The following RPSA2 variants were observed in gnomAD, a reference collection of about 807,000 sequenced individuals.
RPSA2 encodes the protein ribosomal protein SA 2, also known as small ribosomal subunit protein uS2B.
chr19:23,780,654 C>CAAAACAAAACAA, the RPSA2 span, among the ~76,000 whole-genome samples: 1 of 151,818 alleles, frequency 6.6e-6, no homozygotes, highest in Non-Finnish European at 1.5e-5. Flanking sequence ...CAAAACAAAA[C>CAAAACAAAACAA]AAAACAAAAA....
the RPSA2 span, among the ~76,000 whole-genome samples, chr19:23,784,725 G>C: frequency 3.9e-5 from 6 of 152,264 alleles, no homozygotes; most frequent in African/African-American, 1.4e-4. Context: ...ATATCCCACT[G>C]TTGAGGTTCT....
At chr19:23,817,157 G>C in the RPSA2 span, among the ~76,000 whole-genome samples, 150 of 152,268 alleles carry the variant, frequency 9.9e-4, 1 homozygote, top group Non-Finnish European at 2.1e-4. Flanking sequence ...CGAGGTGGGC[G>C]GATAACCTGA....
the RPSA2 span, among the ~76,000 whole-genome samples, chr19:23,822,248 G>T: frequency 6.6e-6 from 1 of 152,176 alleles, no homozygotes; most frequent in African/African-American, 2.4e-5. Context: ...GCTGAAGCTG[G>T]GTTGCGTCAT....
chr19:23,804,300 C>T, the RPSA2 span, among the ~76,000 whole-genome samples: 145,054 of 148,382 alleles, frequency 0.98, 71,003 homozygotes, highest in Middle Eastern at 1. Flanking sequence ...TTTTCTTTTT[C>T]TTTTTTTTCT....
the RPSA2 span, among the ~76,000 whole-genome samples, chr19:23,761,917 T>C: frequency 0.19 from 5,818 of 30,854 alleles, 432 homozygotes; most frequent in Non-Finnish European, 0.25. Context: ...TCTTTCTTTC[T>C]TTCTTTTTTT....
At chr19:23,849,538 C>A in the RPSA2 span, among the ~76,000 whole-genome samples, 1 of 152,130 alleles carries the variant, frequency 6.6e-6, no homozygotes, top group African/African-American at 2.4e-5. Flanking sequence ...AGCCAATTTC[C>A]AAAGTTCTGG....
At chr19:23,844,579 T>A in the RPSA2 span, among the ~76,000 whole-genome samples, 1 of 152,150 alleles carries the variant, frequency 6.6e-6, no homozygotes. Flanking sequence ...ATTCCAAATA[T>A]AAGTTTCATG....
chr19:23,780,902 G>GATA, the RPSA2 span, among the ~76,000 whole-genome samples: 2 of 152,178 alleles, frequency 1.3e-5, no homozygotes, highest in African/African-American at 4.8e-5. Flanking sequence ...CTACTTTTGA[G>GATA]GTTCTGAACC....
At chr19:23,812,373 T>A in the RPSA2 span, among the ~76,000 whole-genome samples, 2 of 138,010 alleles carry the variant, frequency 1.4e-5, no homozygotes, top group African/African-American at 5.4e-5. Flanking sequence ...CTTTCTTAGC[T>A]CATTCTCTTT....
At chr19:23,838,825 T>G in the RPSA2 span, among the ~76,000 whole-genome samples, 16 of 152,172 alleles carry the variant, frequency 1.1e-4, no homozygotes, top group African/African-American at 3.6e-4. Context: ...TGAGGTTATT[T>G]GGATTTTCTC....
At chr19:23,832,103 C>T in the RPSA2 span, 2 of 441,478 alleles carry the variant, frequency 4.5e-6, no homozygotes, top group South Asian at 1.8e-5. Context: ...ACCCTTACTA[C>T]ACATAAAATA....
chr19:23,785,734 A>G, the RPSA2 span, among the ~76,000 whole-genome samples: 148,944 of 152,278 alleles, frequency 0.98, 72,935 homozygotes, highest in Middle Eastern at 1. Context: ...GTTCACAGGT[A>G]GGATTGTAAA....
the RPSA2 span, among the ~76,000 whole-genome samples, chr19:23,781,868 A>G: frequency 6.6e-6 from 1 of 152,176 alleles, no homozygotes. Flanking sequence ...TCCTGGGCCC[A>G]GTTCACAGTG....
the RPSA2 span, among the ~76,000 whole-genome samples, chr19:23,854,107 T>A: frequency 2.0e-5 from 3 of 151,532 alleles, no homozygotes; most frequent in African/African-American, 7.3e-5. Context: ...GTAAAAGTAA[T>A]TGAGCAACTG....
chr19:23,847,077 C>G, the RPSA2 span, among the ~76,000 whole-genome samples: 3 of 151,970 alleles, frequency 2.0e-5, no homozygotes, highest in Non-Finnish European at 4.4e-5. Flanking sequence ...ATTTTTGTCT[C>G]AGTAAATTAT....
At chr19:23,844,420 A>G in the RPSA2 span, among the ~76,000 whole-genome samples, 1 of 152,122 alleles carries the variant, frequency 6.6e-6, no homozygotes. Context: ...AAATTTCTGA[A>G]TCAAATTGTA....
the RPSA2 span, chr19:23,782,377 A>G: frequency 3.3e-5 from 5 of 152,124 alleles, no homozygotes; most frequent in African/African-American, 4.8e-5. Flanking sequence ...CTTAGAAGGC[A>G]TTGAGACATA....
the RPSA2 span, among the ~76,000 whole-genome samples, chr19:23,862,574 G>A: frequency 1.3e-5 from 2 of 152,206 alleles, no homozygotes; most frequent in East Asian, 3.9e-4. Flanking sequence ...TTTATTGAGT[G>A]TTTTTAGCAT....
chr19:23,811,250 C>G, the RPSA2 span, among the ~76,000 whole-genome samples: 1 of 152,090 alleles, frequency 6.6e-6, no homozygotes, highest in African/African-American at 2.4e-5. Flanking sequence ...CTTTTGACCT[C>G]AGGTGATCCA....
Sources: allele counts gnomAD v4.1 joint callset (sites outside exome capture counted in the v4.1 genomes callset), GRCh38; gene constraint gnomAD v4.1.1; transcripts MANE v1.5; gene names NCBI Gene and HGNC (gene_info 2026-07-23, HGNC 2026-07-21).